The following NEGR1 variants were observed in gnomAD, a reference collection of about 807,000 sequenced individuals.
The protein encoded by NEGR1 is neuronal growth regulator 1.
Under a neutral mutation model 40.9 loss-of-function variants are expected in NEGR1, and 10 were observed. The ratio of observed to expected loss-of-function variants is 0.24; its 90% confidence interval spans 0.15 to 0.42. NEGR1 has a LOEUF of 0.42. Among genes scored for constraint, NEGR1 ranks in the 10% least tolerant of loss-of-function variants. NEGR1 has a pLI of 1.00. For missense variants in NEGR1, 352 were observed against 438.9 expected, an observed-to-expected ratio of 0.80 and a Z score of 1.77; for synonymous variants, 185 against 166.8, an observed-to-expected ratio of 1.11 and a Z score of -0.84.
Position 72,051,511 on chromosome 1 carries a change from C to T in NEGR1, c.177-116200G>A, listed in dbSNP as rs374433198. The stretch of plus-strand genomic sequence containing the variant: ...CAAAATTGTTGTCATTTCTATTATG[C>T]GATATTATTTTGTTGCATCGAAAAA... On this transcript the variant is annotated intron_variant, in intron 1 of 6. Coordinates refer to ENST00000357731, the MANE Select transcript of NEGR1 (RefSeq NM_173808.3). 4.0e-5 allele frequency among the ~76,000 whole-genome samples: 6 copies of T among 151,456 alleles called. No homozygotes were observed. The East Asian group carries it at 7.8e-4, about 20-fold the overall frequency.
chr1:71,704,790 C>T (rs1653829514), intron 3 of NEGR1, among the ~76,000 whole-genome samples: 1 of 151,324 alleles, frequency 6.6e-6, no homozygotes, highest in Admixed American at 6.6e-5. Context: ...CTATTATTAC[C>T]CTAATATCAG....
At chr1:72,252,122 T>G (rs1487702017) in intron 1 of NEGR1, among the ~76,000 whole-genome samples, 1 of 138,906 alleles carries the variant, frequency 7.2e-6, no homozygotes, top group African/African-American at 3.4e-5. Flanking sequence ...TTTTCTTTTT[T>G]TAGACAGAGT....
intron 4 of NEGR1, among the ~76,000 whole-genome samples, chr1:71,678,886 A>T (rs1297893438): frequency 6.6e-6 from 1 of 152,138 alleles, no homozygotes; most frequent in Non-Finnish European, 1.5e-5. Context: ...TTTCAAAGGC[A>T]GCCGAGCAAA....
At chr1:72,072,188 T>C (rs1298781433) in intron 1 of NEGR1, among the ~76,000 whole-genome samples, 1 of 152,140 alleles carries the variant, frequency 6.6e-6, no homozygotes, top group Non-Finnish European at 1.5e-5. Flanking sequence ...ATTATATCTT[T>C]TGTAATCCTA....
At chr1:71,636,779 T>G (rs113772892) in intron 4 of NEGR1, among the ~76,000 whole-genome samples, 2,292 of 152,172 alleles carry the variant, frequency 0.015, 50 homozygotes, top group African/African-American at 0.052. Context: ...GAGACCTTAA[T>G]AATAACCAAG....
At chr1:72,244,915 A>T (rs1240329204) in intron 1 of NEGR1, among the ~76,000 whole-genome samples, 2 of 152,132 alleles carry the variant, frequency 1.3e-5, no homozygotes, top group East Asian at 1.9e-4. Context: ...GGAACACCAC[A>T]TAGTGCTTCT....
At chr1:71,843,770 C>T (rs1487105418) in intron 2 of NEGR1, among the ~76,000 whole-genome samples, 5 of 152,034 alleles carry the variant, frequency 3.3e-5, no homozygotes, top group African/African-American at 4.8e-5. Flanking sequence ...TGAAATTGAC[C>T]TATTTTTATA....
chr1:71,846,377 ACC>A, intron 2 of NEGR1, among the ~76,000 whole-genome samples: 1 of 37,428 alleles, frequency 2.7e-5, no homozygotes, highest in Non-Finnish European at 5.7e-5. Context: ...ATACCCACCC[ACC>A]CACCCACACA....
At chr1:71,604,445 C>G (rs1369426582) in intron 5 of NEGR1, among the ~76,000 whole-genome samples, 2 of 152,042 alleles carry the variant, frequency 1.3e-5, no homozygotes, top group African/African-American at 4.8e-5. Context: ...GACCCACCCT[C>G]CCACAGTCCT....
rs1646266301 is a variant in NEGR1, at chr1:71,404,584, C to T, written c.*2862G>A. 6.4e-5 allele frequency: 1 copy of T among 15,578 alleles called. No homozygotes were observed. Among genetic ancestry groups the T allele is most frequent in the Non-Finnish European group, 4.4e-4 (1 of 2,274 alleles). The allele number at this position is 15,578 out of a possible 1,614,324, so 1.0% of individuals were successfully genotyped here. On this transcript the variant is annotated 3_prime_UTR_variant, in exon 7 of 7. Transcript: ENST00000357731. ...CCCTTCCTTCCTTCATTCCTTCCAT[C>T]CTTCCTTTTTTTCCCTCTTTACTGC...
chr1:71,468,552 C>T (rs1360892957), intron 6 of NEGR1: 6 of 151,780 alleles, frequency 4.0e-5, no homozygotes, highest in Admixed American at 4.0e-4. Context: ...CATTACAGGG[C>T]ACAACTAAAA....
chr1:71,456,035 A>G (rs1315521256), intron 6 of NEGR1, among the ~76,000 whole-genome samples: 1 of 152,212 alleles, frequency 6.6e-6, no homozygotes, highest in Non-Finnish European at 1.5e-5. Flanking sequence ...TTCTAAATAT[A>G]TGGGAATAAA....
chr1:71,896,285 G>A (rs1660971925), intron 2 of NEGR1, among the ~76,000 whole-genome samples: 1 of 152,002 alleles, frequency 6.6e-6, no homozygotes, highest in South Asian at 2.1e-4. Context: ...TGATCCACCC[G>A]CCTGGGCCTC....
chr1:71,727,987 A>G (rs1654727641), intron 3 of NEGR1, among the ~76,000 whole-genome samples: 1 of 152,170 alleles, frequency 6.6e-6, no homozygotes, highest in Non-Finnish European at 1.5e-5. Flanking sequence ...GTTTGGCATA[A>G]CAAAGTTTGG....
chr1:71,991,578 T>C (rs1011889653), intron 1 of NEGR1, among the ~76,000 whole-genome samples: 1 of 152,180 alleles, frequency 6.6e-6, no homozygotes, highest in Non-Finnish European at 1.5e-5. Context: ...GAAAGACTCG[T>C]GATCTCTGCA....
intron 1 of NEGR1, among the ~76,000 whole-genome samples, chr1:72,162,565 G>A (rs1651609370): frequency 6.6e-6 from 1 of 152,098 alleles, no homozygotes; most frequent in Non-Finnish European, 1.5e-5. Flanking sequence ...CATTAAAACT[G>A]CCATGCTTAG....
At chr1:72,067,920 T>C (rs1647316503) in intron 1 of NEGR1, among the ~76,000 whole-genome samples, 1 of 152,170 alleles carries the variant, frequency 6.6e-6, no homozygotes. Flanking sequence ...TATTATTCCT[T>C]TGTATCTTAT....
At position 71,699,502 on chromosome 1, in the gene NEGR1, C is replaced by T. The variant is rs532858512; in HGVS notation, c.536-1363G>A. Among the ~76,000 whole-genome samples, 544 of 151,580 alleles carry T rather than the reference C, an allele frequency of 3.6e-3. 5 individuals carry two copies. The highest frequency in any genetic ancestry group is 0.01 in the African/African-American group (427 of 41,360). On this transcript the variant is annotated intron_variant, in intron 3 of 6. Transcript: ENST00000357731. ...TTTAGTCTTATTTTCACTATTATAA[C>T]GAAGATACTCTAGGCTTAAATGTGT...
intron 1 of NEGR1, among the ~76,000 whole-genome samples, chr1:72,203,569 G>T (rs1653289639): frequency 1.3e-5 from 2 of 152,074 alleles, no homozygotes; most frequent in Admixed American, 1.3e-4. Flanking sequence ...TACAATAAAG[G>T]TTTTAGAATA....
Sources: allele counts gnomAD v4.1 joint callset (sites outside exome capture counted in the v4.1 genomes callset), GRCh38; gene constraint gnomAD v4.1.1; transcripts MANE v1.5; gene names NCBI Gene and HGNC (gene_info 2026-07-23, HGNC 2026-07-21).